FBXL4: variants seen among roughly 807,000 people sequenced by gnomAD.
FBXL4 encodes the protein F-box and leucine rich repeat protein 4, also known as F-box/LRR-repeat protein 4.
In FBXL4, 40 loss-of-function variants were observed where a neutral mutation model predicts 58.9. The observed-to-expected ratio is 0.68, with a 90% CI of 0.53 to 0.88. FBXL4 has a LOEUF of 0.88. FBXL4 is among the 40% of genes least tolerant of loss of function. The pLI is 0.00. For missense variants in FBXL4, 676 were observed against 734.4 expected (o/e 0.92, Z 0.92); for synonymous variants, 263 against 265.5 (o/e 0.99, Z 0.09).
intron 7 of FBXL4, among the ~76,000 whole-genome samples, chr6:98,885,582 A>G (rs12190587): frequency 0.039 from 5,950 of 152,264 alleles, 188 homozygotes; most frequent in Admixed American, 0.085. Flanking sequence ...TCAGGAAAAA[A>G]AACAATGTCT....
chr6:98,933,707 T>C (rs1053646674), intron 2 of FBXL4, among the ~76,000 whole-genome samples: 2 of 152,222 alleles, frequency 1.3e-5, no homozygotes, highest in African/African-American at 4.8e-5. Flanking sequence ...GCCTTAATTA[T>C]AACCATACCC....
intron 5 of FBXL4, among the ~76,000 whole-genome samples, chr6:98,912,373 G>C (rs1034473020): frequency 2.0e-5 from 3 of 152,090 alleles, no homozygotes; most frequent in African/African-American, 7.2e-5. Context: ...ACACATAATT[G>C]TCAGATTCAC....
intron 6 of FBXL4, among the ~76,000 whole-genome samples, chr6:98,904,176 C>T (rs964409186): frequency 3.3e-5 from 5 of 152,090 alleles, no homozygotes; most frequent in African/African-American, 1.2e-4. Flanking sequence ...AGCTTCAGTT[C>T]TTTCTTGGTC....
At chr6:98,897,383 T>C in intron 7 of FBXL4, 4 of 977,790 alleles carry the variant, frequency 4.1e-6, no homozygotes, top group Non-Finnish European at 4.9e-6. Context: ...TCAGGGACAA[T>C]AATTATTTCA....
intron 8 of FBXL4, among the ~76,000 whole-genome samples, chr6:98,876,182 A>T (rs1303537439): frequency 6.6e-6 from 1 of 152,190 alleles, no homozygotes; most frequent in African/African-American, 2.4e-5. Context: ...GGAAATGCTG[A>T]TAATACTAAT....
intron 7 of FBXL4, among the ~76,000 whole-genome samples, chr6:98,894,546 T>C (rs1443576395): frequency 6.6e-6 from 1 of 152,132 alleles, no homozygotes; most frequent in African/African-American, 2.4e-5. Context: ...AAGAGTAATT[T>C]CTTCTAAAAA....
At chr6:98,929,659 C>T (rs1234172932) in intron 2 of FBXL4, among the ~76,000 whole-genome samples, 1 of 151,808 alleles carries the variant, frequency 6.6e-6, no homozygotes, top group Non-Finnish European at 1.5e-5. Flanking sequence ...GCTAACATGA[C>T]TCATGGAACC....
intron 7 of FBXL4, among the ~76,000 whole-genome samples, chr6:98,889,573 T>A (rs1771153059): frequency 6.6e-6 from 1 of 151,514 alleles, no homozygotes; most frequent in Non-Finnish European, 1.5e-5. Flanking sequence ...CCCAGATACT[T>A]TGGAGGCTGA....
In FBXL4 at chr6:98,917,502, T is replaced by C. The variant is rs771854304; in HGVS notation, c.730A>G (p.Asn244Asp). Residue 244 changes from asparagine to aspartate, a missense_variant, in exon 5 of 10, where the codon AAT becomes GAT. Transcript: ENST00000369244. Reference protein sequence around the residue: ...LSLKTSLIDMNDIEDDAYAEK... With the variant: ...LSLKTSLIDMDDIEDDAYAEK... ...GCATAGGCATCATCTTCTATATCAT[T>C]CATGTCAATAAGTGAAGTCTTGAGA... 9 of 1,614,074 alleles carry C rather than the reference T, an allele frequency of 5.6e-6. No individual in the cohort carries two copies. The highest frequency in any genetic ancestry group is 6.8e-6 in the Non-Finnish European group (8 of 1,179,940).
intron 4 of FBXL4, among the ~76,000 whole-genome samples, chr6:98,921,325 TC>T (rs1772574498): frequency 6.6e-6 from 1 of 151,762 alleles, no homozygotes; most frequent in Admixed American, 6.6e-5. Context: ...AAGCAAGTTT[TC>T]TAACCTGTAT....
chr6:98,947,282 G>A (rs1288643520), intron 1 of FBXL4, among the ~76,000 whole-genome samples: 2 of 152,224 alleles, frequency 1.3e-5, no homozygotes, highest in African/African-American at 4.8e-5. Context: ...CACTCTAGGG[G>A]CACCCCTAAA....
At position 98,873,050 on chromosome 6, in the gene FBXL4, T is replaced by C. The variant is rs549011358; in HGVS notation, c.*1228A>G. The stretch of plus-strand genomic sequence containing the variant: ...TGAATTAATTCTGCTACTCAGAAAG[T>C]AGACAGAAAATATTTTGTGGCATGA... On this transcript the variant is annotated 3_prime_UTR_variant, in exon 10 of 10. Transcript: ENST00000369244. 2.0e-5 allele frequency: 3 copies of C among 152,144 alleles called. No homozygotes were observed. Among genetic ancestry groups the C allele is most frequent in the East Asian group, 3.9e-4 (2 of 5,180 alleles). 9.4% of individuals were successfully genotyped at this position (152,144 alleles called of 1,614,324 possible).
chr6:98,910,894 C>T (rs1447580281), intron 5 of FBXL4, among the ~76,000 whole-genome samples: 1 of 152,156 alleles, frequency 6.6e-6, no homozygotes, highest in Non-Finnish European at 1.5e-5. Flanking sequence ...ACTTGGGAAG[C>T]ACAAGGGATC....
chr6:98,941,626 C>A (rs994245235), intron 1 of FBXL4, among the ~76,000 whole-genome samples: 1 of 152,134 alleles, frequency 6.6e-6, no homozygotes, highest in South Asian at 2.1e-4. Context: ...CTGCCCAGGG[C>A]AAAGCCTGCT....
intron 7 of FBXL4, among the ~76,000 whole-genome samples, chr6:98,893,107 A>C (rs1162810707): frequency 6.6e-6 from 1 of 152,082 alleles, no homozygotes; most frequent in Non-Finnish European, 1.5e-5. Flanking sequence ...TTTTTCCCCA[A>C]ACAGAGAAAA....
intron 1 of FBXL4, among the ~76,000 whole-genome samples, chr6:98,941,693 T>C (rs897141583): frequency 6.6e-6 from 1 of 152,156 alleles, no homozygotes; most frequent in Non-Finnish European, 1.5e-5. Flanking sequence ...GAAAACAGAA[T>C]AGTGACCTTC....
In FBXL4 at chr6:98,886,850, G is replaced by A. The variant is rs145244622; in HGVS notation, c.1318-6226C>T. Among the ~76,000 whole-genome samples, 829 of 152,254 alleles carry A rather than the reference G, an allele frequency of 5.4e-3. 11 individuals carry two copies. The highest frequency in any genetic ancestry group is 0.019 in the African/African-American group (783 of 41,546). ...TTCCATCCAAACTCCTGGGTGGGGT[G>A]GCTTGGAACACTGTCACCTAGCTGA... is the stretch of plus-strand genomic sequence containing the variant. On this transcript the variant is annotated intron_variant, in intron 7 of 9. Coordinates refer to ENST00000369244, the MANE Select transcript of FBXL4 (RefSeq NM_001278716.2).
At chr6:98,947,578 C>G (rs556377577) in intron 1 of FBXL4, among the ~76,000 whole-genome samples, 136 of 152,296 alleles carry the variant, frequency 8.9e-4, no homozygotes, top group Middle Eastern at 3.4e-3. Context: ...AGAAAGAGCC[C>G]GAGGCACGTC....
intron 5 of FBXL4, among the ~76,000 whole-genome samples, chr6:98,916,015 C>G (rs1029679023): frequency 1.7e-4 from 25 of 144,204 alleles, no homozygotes; most frequent in South Asian, 6.7e-4. Flanking sequence ...AGGATATGAA[C>G]AGACACTTCT....
Sources: gnomAD v4.1 joint callset for allele counts (sites outside exome capture counted in the v4.1 genomes callset) on GRCh38, gnomAD v4.1.1 for gene constraint, MANE v1.5 for transcripts, NCBI Gene and HGNC (gene_info 2026-07-23, HGNC 2026-07-21) for gene names.